The following ZNF367 variants were observed in gnomAD, a reference collection of about 807,000 sequenced individuals.
ZNF367 encodes the protein C2H2 zinc finger protein ZFF29.
Under a neutral mutation model 31.8 loss-of-function variants are expected in ZNF367, and 11 were observed. That is an observed-to-expected ratio of 0.35 (90% CI 0.22 to 0.57). The LOEUF (loss-of-function observed/expected upper bound fraction) is 0.57, where lower values mean the gene tolerates loss of function less well. Ranked by LOEUF, ZNF367 falls within the 20% of genes least tolerant of loss-of-function variation. ZNF367 has a pLI of 0.85. For missense variants in ZNF367, 353 were observed against 484.1 expected, an observed-to-expected ratio of 0.73 and a Z score of 2.54; for synonymous variants, 199 against 202.4, an observed-to-expected ratio of 0.98 and a Z score of 0.14.
intron 1 of ZNF367, among the ~76,000 whole-genome samples, chr9:96,416,194 C>T (rs1163769345): frequency 1.3e-5 from 2 of 149,384 alleles, no homozygotes; most frequent in Non-Finnish European, 3.0e-5. Context: ...TCACGCCATT[C>T]TCCTACCTCA....
intron 1 of ZNF367, among the ~76,000 whole-genome samples, chr9:96,401,940 A>G (rs1564142192): frequency 1.3e-5 from 2 of 150,572 alleles, no homozygotes; most frequent in Non-Finnish European, 3.0e-5. Flanking sequence ...TCAAGGCTAT[A>G]GTGAGCTATG....
intron 4 of ZNF367, among the ~76,000 whole-genome samples, chr9:96,391,736 A>G (rs1831474459): frequency 6.6e-6 from 1 of 152,164 alleles, no homozygotes; most frequent in African/African-American, 2.4e-5. Flanking sequence ...TCACCTAAGA[A>G]GAACCACTAA....
At chr9:96,393,864 C>A (rs1026670269) in intron 3 of ZNF367, among the ~76,000 whole-genome samples, 3 of 152,178 alleles carry the variant, frequency 2.0e-5, no homozygotes, top group African/African-American at 7.2e-5. Context: ...CATTATTCAA[C>A]ATAGAGGAAA....
At chr9:96,400,007 T>C (rs1378719035) in intron 1 of ZNF367, among the ~76,000 whole-genome samples, 3 of 152,092 alleles carry the variant, frequency 2.0e-5, no homozygotes, top group Non-Finnish European at 4.4e-5. Context: ...ATTATAATAT[T>C]CAAAACCTCC....
At chr9:96,398,096 A>G in intron 2 of ZNF367, 68 bp downstream of exon 2, 1 of 369,680 alleles carries the variant, frequency 2.7e-6, no homozygotes. Flanking sequence ...TCAAAAAAAA[A>G]AAAAAAAAAA....
At position 96,387,999 on chromosome 9, in the gene ZNF367, A is replaced by G. The variant is rs1831425545; in HGVS notation, c.*238T>C. On this transcript the variant is annotated 3_prime_UTR_variant, in exon 5 of 5. Transcript: ENST00000375256. Reference sequence around the variant, plus strand: ...AGCTTCCCACAATATGTAGTTTTCTACCCTGTACTGTGCAGTCCATATTTA... The same window carrying G: ...AGCTTCCCACAATATGTAGTTTTCTGCCCTGTACTGTGCAGTCCATATTTA... 6.1e-6 allele frequency: 3 copies of G among 491,796 alleles called. No individual in the cohort carries two copies. The highest frequency in any genetic ancestry group is 1.9e-5 in the African/African-American group (1 of 51,724). 30.5% of individuals were successfully genotyped at this position (491,796 alleles called of 1,614,324 possible).
In ZNF367 at chr9:96,398,425, ACACACTTATAGTCC is replaced by A. The variant is rs1365339466; in HGVS notation, c.421-125_421-112del. The A allele has an allele frequency of 1.4e-4, 134 of 941,980 alleles. No individual in the cohort carries two copies. The African/African-American group carries it at 1.7e-3, about 12-fold the overall frequency. 58.4% of individuals were successfully genotyped at this position (941,980 alleles called of 1,614,324 possible). A position where few individuals can be genotyped will look rare whatever the true frequency, so the allele number is the denominator to read the frequency against. ...TTTCTTGGGAGCTGGGCGCAGCGGC[ACACACTTATAGTCC>A]CAGCTATTTAGGAGGCTGAGGTAGG... On this transcript the variant is annotated intron_variant, in intron 1 of 4. Transcript: ENST00000375256.
chr9:96,393,464 T>C (rs1031229738), intron 3 of ZNF367, among the ~76,000 whole-genome samples: 11 of 151,788 alleles, frequency 7.2e-5, no homozygotes, highest in Non-Finnish European at 1.6e-4. Flanking sequence ...AAGGTTTCAG[T>C]GAGCCAAGAT....
chr9:96,397,123 A>C (rs1831541933), intron 2 of ZNF367, among the ~76,000 whole-genome samples: 1 of 152,136 alleles, frequency 6.6e-6, no homozygotes, highest in Admixed American at 6.6e-5. Flanking sequence ...CCCACATTTC[A>C]AGTGCTCAGG....
intron 4 of ZNF367, 73 bp from the exon 5 acceptor site, chr9:96,388,532 G>A: frequency 7.6e-7 from 1 of 1,322,000 alleles, no homozygotes; most frequent in Non-Finnish European, 1.0e-6. Context: ...CTTTTAAAAA[G>A]TTCCATACCA....
rs745796993 is a variant in ZNF367 at position 96,417,866 on chromosome 9, A to AGCGGCG, written c.161_166dup (p.Pro54_Pro55dup). The AGCGGCG allele has an allele frequency of 3.3e-6, 5 of 1,516,514 alleles. No homozygotes were observed. The highest frequency in any genetic ancestry group is 1.2e-5 in the South Asian group (1 of 80,802). 93.9% of individuals were successfully genotyped at this position (1,516,514 alleles called of 1,614,324 possible). A position where few individuals can be genotyped will look rare whatever the true frequency, so the allele number is the denominator to read the frequency against. On this transcript the variant is annotated inframe_insertion, in exon 1 of 5. Coordinates refer to ENST00000375256, the MANE Select transcript of ZNF367 (RefSeq NM_153695.4). This position sits in a 1 kb window ranked among gnomAD's most constrained non-coding sequence, Gnocchi z 5.0. ...GCTGAAGCCGGGGCTGGTGGGGATG[A>AGCGGCG]GCGGCGGCGGCGGCTCCGGCTCCCC...
At chr9:96,407,252 G>C (rs879152405) in intron 1 of ZNF367, 1 of 1,243,592 alleles carries the variant, frequency 8.0e-7, no homozygotes, top group South Asian at 1.2e-5. Context: ...CGCACCCCAG[G>C]GGCTGCTCCT....
At chr9:96,416,924 G>A (rs1234782973) in intron 1 of ZNF367, among the ~76,000 whole-genome samples, 1 of 152,212 alleles carries the variant, frequency 6.6e-6, no homozygotes, top group African/African-American at 2.4e-5. Context: ...CTACTGAGCT[G>A]TGCCATCGTG....
At chr9:96,416,677 C>G (rs1021660798) in intron 1 of ZNF367, among the ~76,000 whole-genome samples, 3 of 152,158 alleles carry the variant, frequency 2.0e-5, no homozygotes, top group Admixed American at 6.5e-5. Flanking sequence ...ACAAATGGAA[C>G]CTGGATATTA....
chr9:96,418,167 C>A lies in ZNF367; in HGVS notation c.-135G>T, dbSNP rs1831862094. The A allele has an allele frequency of 8.1e-7, 1 of 1,232,282 alleles. No homozygotes were observed. Among genetic ancestry groups the A allele is most frequent in the East Asian group, 3.2e-5 (1 of 31,584 alleles). 76.3% of individuals were successfully genotyped at this position (1,232,282 alleles called of 1,614,324 possible). ...CAGACTGACGTTTCCCGGAATCCTGCGCAGCAGCCACCTAACTAGTTGAGC... is the reference window on the plus strand; with the variant it reads ...CAGACTGACGTTTCCCGGAATCCTGAGCAGCAGCCACCTAACTAGTTGAGC... On this transcript the variant is annotated 5_prime_UTR_variant, in exon 1 of 5. Coordinates refer to ENST00000375256, the MANE Select transcript of ZNF367 (RefSeq NM_153695.4).
At chr9:96,397,456 A>G (rs1223660822) in intron 2 of ZNF367, among the ~76,000 whole-genome samples, 1 of 152,234 alleles carries the variant, frequency 6.6e-6, no homozygotes, top group Admixed American at 6.5e-5. Flanking sequence ...TCCTGATAGC[A>G]CAGTGAGGAC....
At chr9:96,394,767 T>G (rs542971934) in intron 3 of ZNF367, 56 bp downstream of exon 3, 3 of 1,497,648 alleles carry the variant, frequency 2.0e-6, no homozygotes, top group Middle Eastern at 2.3e-4. Flanking sequence ...GGAAAGGATA[T>G]TTTAACTGTT....
Position 96,417,361 on chromosome 9 carries a change from C to T in ZNF367, c.420+252G>A, listed in dbSNP as rs533500104. On this transcript the variant is annotated intron_variant, in intron 1 of 4. Transcript: ENST00000375256. The surrounding 1 kb of genome is among the most constrained non-coding windows in gnomAD (Gnocchi z 5.0). ...GCCGTTGACCCGGCCTCCCCAGCGA[C>T]CCCGGGCCGCGCTCCCGCCCACTGC... is the stretch of plus-strand genomic sequence containing the variant. 6.0e-4 allele frequency among the ~76,000 whole-genome samples: 92 copies of T among 152,208 alleles called. 1 individual carries two copies. The South Asian group carries it at 0.019, about 31-fold the overall frequency.
At chr9:96,400,710 C>T (rs893895936) in intron 1 of ZNF367, among the ~76,000 whole-genome samples, 2 of 152,074 alleles carry the variant, frequency 1.3e-5, no homozygotes, top group Non-Finnish European at 2.9e-5. Context: ...TATGGAACAC[C>T]ATCAAGCATA....
Sources: allele counts gnomAD v4.1 joint callset (sites outside exome capture counted in the v4.1 genomes callset), GRCh38; gene constraint gnomAD v4.1.1; non-coding constraint Gnocchi (gnomAD v3.1); transcripts MANE v1.5; gene names NCBI Gene and HGNC (gene_info 2026-07-23, HGNC 2026-07-21).